LCT: variants seen among roughly 807,000 people sequenced by gnomAD.
LCT encodes lactase.
In LCT, 90 loss-of-function variants were observed where a neutral mutation model predicts 173.0. That is an observed-to-expected ratio of 0.52 (90% CI 0.44 to 0.62). The LOEUF is 0.62. Ranked by LOEUF, LCT falls within the 20% of genes least tolerant of loss-of-function variation. LCT has a pLI of 0.00. For missense variants in LCT, 1,864 were observed against 2,431.4 expected (o/e 0.77, Z 4.91); for synonymous variants, 853 against 957.6 (o/e 0.89, Z 2.02).
intron 7 of LCT, among the ~76,000 whole-genome samples, chr2:135,811,003 G>A (rs887968290): frequency 2.6e-5 from 4 of 151,460 alleles, no homozygotes; most frequent in East Asian, 3.9e-4. Flanking sequence ...CTCCAGCCTC[G>A]GCGACAGAGC....
At position 135,790,976 on chromosome 2, in the gene LCT, C is replaced by G; in HGVS notation, c.5112-95G>C. ...AAACAGGACTTAGACCAGGAAAAGC[C>G]TTAGGTTTTGTCTAGCCTTAAGAAT... On this transcript the variant is annotated intron_variant, in intron 14 of 16. Transcript: ENST00000264162. The surrounding 1 kb of genome is among the most constrained non-coding windows in gnomAD (Gnocchi z 4.1). The G allele has an allele frequency of 2.1e-6, 2 of 942,250 alleles. No individual in the cohort carries two copies. Among genetic ancestry groups the G allele is most frequent in the Non-Finnish European group, 3.4e-6 (2 of 584,734 alleles). 58.4% of individuals were successfully genotyped at this position (942,250 alleles called of 1,614,324 possible).
At chr2:135,824,152 C>G (rs561011773) in intron 3 of LCT, 149 bp from the exon 4 acceptor site, 4 of 694,278 alleles carry the variant, frequency 5.8e-6, no homozygotes, top group Admixed American at 4.2e-5. Context: ...GGAGTCAACT[C>G]TAGACTCTGA....
chr2:135,816,100 T>A (rs1475938792), intron 6 of LCT, among the ~76,000 whole-genome samples: 4 of 152,210 alleles, frequency 2.6e-5, no homozygotes, highest in Non-Finnish European at 2.9e-5. Flanking sequence ...GCTGGTGGGT[T>A]TTCTGGGAGA....
chr2:135,807,360 A>G lies in LCT; in HGVS notation c.3941T>C (p.Val1314Ala). 6.2e-7 allele frequency: 1 copy of G among 1,614,152 alleles called. No individual in the cohort carries two copies. The highest frequency in any genetic ancestry group is 8.5e-7 in the Non-Finnish European group (1 of 1,180,016). The change falls in exon 9 of 17, where the codon GTC becomes GCC. Residue 1314 changes from valine to alanine, a missense_variant. By Grantham distance (64) the Val-to-Ala change is moderately conservative. Coordinates refer to ENST00000264162, the MANE Select transcript of LCT (RefSeq NM_002299.4). Reference sequence around the variant, plus strand: ...AAAGTTGTCCATCAGAGACCAGGCGACATACCCTCGAAGGTCTATACCATC... The same window carrying G: ...AAAGTTGTCCATCAGAGACCAGGCGGCATACCCTCGAAGGTCTATACCATC... ...RLDGIDLRGY[V>A]AWSLMDNFEW...
chr2:135,835,976 G>GTATATAAATATATAAA (rs1553436125), intron 1 of LCT, among the ~76,000 whole-genome samples: 1 of 80,480 alleles, frequency 1.2e-5, no homozygotes, highest in African/African-American at 6.7e-5. Flanking sequence ...ATACATGTGT[G>GTATATAAATATATAAA]TATATATATA....
intron 7 of LCT, among the ~76,000 whole-genome samples, chr2:135,811,963 C>T (rs1349673326): frequency 6.6e-6 from 1 of 151,930 alleles, no homozygotes; most frequent in African/African-American, 2.4e-5. Flanking sequence ...ACTGTGGTCC[C>T]AGCTACTCAA....
In LCT at chr2:135,817,356, T is replaced by C. The variant is rs376966150; in HGVS notation, c.1692A>G (p.Gly564=). ...TGGGAAGTACCTTAAAAGAGGCCACTCCTGGGTCAGAGATGCCGGGAGGGT... is the reference window on the plus strand; with the variant it reads ...TGGGAAGTACCTTAAAAGAGGCCACCCCTGGGTCAGAGATGCCGGGAGGGT... The part of the protein sequence containing the change: ...GQHPPGISDP[G]VASFKVAHLV... The change falls in exon 6 of 17, where the codon GGA becomes GGG. Residue 564 remains glycine (G), a synonymous_variant. Coordinates refer to ENST00000264162, the MANE Select transcript of LCT (RefSeq NM_002299.4). 1.2e-4 allele frequency: 187 copies of C among 1,613,874 alleles called. No homozygotes were observed. Among genetic ancestry groups the C allele is most frequent in the Admixed American group, 5.2e-4 (31 of 60,004 alleles).
chr2:135,799,836 G>A (rs1215634615), intron 12 of LCT, among the ~76,000 whole-genome samples: 2 of 152,116 alleles, frequency 1.3e-5, no homozygotes, highest in African/African-American at 2.4e-5. Context: ...GGCAAATTAG[G>A]GGCACTAATG....
At chr2:135,826,796 G>T (rs1173378775) in intron 3 of LCT, among the ~76,000 whole-genome samples, 2 of 152,104 alleles carry the variant, frequency 1.3e-5, no homozygotes, top group Non-Finnish European at 2.9e-5. Context: ...AGCAGACCTC[G>T]AAGACCCTAG....
rs377172426 is a variant in LCT at position 135,821,161 on chromosome 2, G to A, written c.986+859C>T. Among the ~76,000 whole-genome samples the A allele has an allele frequency of 7.2e-5, 11 of 152,302 alleles. No individual in the cohort carries two copies. In the East Asian group the frequency reaches 9.7e-4, roughly 13 times the overall value. On this transcript the variant is annotated intron_variant, in intron 5 of 16. Coordinates refer to ENST00000264162, the MANE Select transcript of LCT (RefSeq NM_002299.4). Reference sequence around the variant, plus strand: ...CTCCCAAAGTTCTGGGATTACAGGCGTGAGCCACCGTGCCCGGCAATCTGC... The same window carrying A: ...CTCCCAAAGTTCTGGGATTACAGGCATGAGCCACCGTGCCCGGCAATCTGC...
chr2:135,834,936 G>T (rs967968740), intron 1 of LCT, among the ~76,000 whole-genome samples: 4 of 152,014 alleles, frequency 2.6e-5, no homozygotes, highest in Non-Finnish European at 5.9e-5. Context: ...ACAGAATGGG[G>T]TCAGAGAGTA....
Position 135,835,683 on chromosome 2 carries a change from A to G in LCT, c.640+847T>C, listed in dbSNP as rs78537400. Among the ~76,000 whole-genome samples, 21 of 151,014 alleles carry G rather than the reference A, an allele frequency of 1.4e-4. No individual in the cohort carries two copies. The East Asian group carries it at 3.9e-3, about 28-fold the overall frequency. ...AAATGTCCTGGTTCAGCCTAGGCCT[A>G]CAGATCAGAACTTCAAGTCCCCTAG... On this transcript the variant is annotated intron_variant, in intron 1 of 16. Coordinates refer to ENST00000264162, the MANE Select transcript of LCT (RefSeq NM_002299.4).
At position 135,798,052 on chromosome 2, in the gene LCT, C is replaced by G; in HGVS notation, c.4953G>C (p.Leu1651Phe). Residue 1651 changes from leucine to phenylalanine, a missense_variant, in exon 13 of 17, where the codon TTG (leucine) becomes TTC (phenylalanine). This residue lies in a region of LCT where 514 missense variants were observed against 750.1 expected (regional missense o/e 0.69). Coordinates refer to ENST00000264162, the MANE Select transcript of LCT (RefSeq NM_002299.4). Reference protein sequence around the residue: ...VMKTRIRDRSLAAGLNKSRLP... With the variant: ...VMKTRIRDRSFAAGLNKSRLP... ...ACCGAGACTTGTTGAGGCCTGCAGC[C>G]AAGCTCCTGTCACGGATCCGCGTCT... 6.2e-7 allele frequency: 1 copy of G among 1,611,410 alleles called. No individual in the cohort carries two copies. The highest frequency in any genetic ancestry group is 8.5e-7 in the Non-Finnish European group (1 of 1,177,530).
At position 135,807,390 on chromosome 2, in the gene LCT, C is replaced by T; in HGVS notation, c.3911G>A (p.Arg1304Lys). 6.2e-7 allele frequency: 1 copy of T among 1,614,126 alleles called. No individual in the cohort carries two copies. The highest frequency in any genetic ancestry group is 8.5e-7 in the Non-Finnish European group (1 of 1,180,020). The change falls in exon 9 of 17, where the codon AGG (arginine) becomes AAG (lysine). Residue 1304 changes from arginine (R) to lysine (K), a missense_variant. This residue lies in a region of LCT where 755 missense variants were observed against 926.3 expected (regional missense o/e 0.82). Transcript: ENST00000264162. ...TYINEALKAY[R>K]LDGIDLRGYV... ...CCCTCGAAGGTCTATACCATCGAGC[C>T]TGTAGGCTGGGAACATCCCAAAGGG...
intron 12 of LCT, among the ~76,000 whole-genome samples, chr2:135,799,259 G>T (rs1183171665): frequency 6.6e-6 from 1 of 152,116 alleles, no homozygotes; most frequent in Non-Finnish European, 1.5e-5. Context: ...TAGTGCCACA[G>T]TTGGCAGACT....
intron 3 of LCT, among the ~76,000 whole-genome samples, chr2:135,827,072 G>A (rs1351024192): frequency 6.6e-6 from 1 of 152,024 alleles, no homozygotes; most frequent in Non-Finnish European, 1.5e-5. Context: ...TCCACCTCCC[G>A]GGTTCAAGCG....
At chr2:135,818,172 G>T in intron 5 of LCT, 111 bp from the exon 6 acceptor site, 1 of 1,321,670 alleles carries the variant, frequency 7.6e-7, no homozygotes, top group South Asian at 1.3e-5. Flanking sequence ...CAGAAACACT[G>T]AGTCAAAAGT....
chr2:135,835,774 T>G (rs994056909), intron 1 of LCT, among the ~76,000 whole-genome samples: 7 of 149,560 alleles, frequency 4.7e-5, no homozygotes, highest in African/African-American at 1.7e-4. Flanking sequence ...TGTTTCATCT[T>G]GTATTTGTCT....
rs987098924 is a variant in LCT, at chr2:135,821,096, T to C, written c.986+924A>G. Among the ~76,000 whole-genome samples, 7 of 152,156 alleles carry C rather than the reference T, an allele frequency of 4.6e-5. No homozygotes were observed. The East Asian group carries it at 1.3e-3, about 29-fold the overall frequency. On this transcript the variant is annotated intron_variant, in intron 5 of 16. Coordinates refer to ENST00000264162, the MANE Select transcript of LCT (RefSeq NM_002299.4). ...CGGGGTTTCACTGTGTTAGCCAGGA[T>C]GGTCTCGATCTCCTGACCTCGTGAT...
Sources: allele counts gnomAD v4.1 joint callset (sites outside exome capture counted in the v4.1 genomes callset), GRCh38; gene constraint gnomAD v4.1.1; regional missense constraint gnomAD v4.1.1; non-coding constraint Gnocchi (gnomAD v3.1); transcripts MANE v1.5; gene names NCBI Gene and HGNC (gene_info 2026-07-23, HGNC 2026-07-21).